Variants in DPF3 observed in about 807,000 individuals in gnomAD.
DPF3 encodes double PHD fingers 3.
In DPF3, 18 loss-of-function variants were observed where a neutral mutation model predicts 56.8. The observed-to-expected ratio is 0.32, with a 90% CI of 0.22 to 0.47. DPF3 has a LOEUF of 0.47. Among genes scored for constraint, DPF3 ranks in the 20% least tolerant of loss-of-function variants. The pLI is 1.00. For missense variants in DPF3, 403 were observed against 488.8 expected (o/e 0.82, Z 1.65); for synonymous variants, 188 against 180.2 (o/e 1.04, Z -0.35).
intron 1 of DPF3, among the ~76,000 whole-genome samples, chr14:72,872,679 A>G (rs1185780956): frequency 6.6e-6 from 1 of 152,248 alleles, no homozygotes; most frequent in Non-Finnish European, 1.5e-5. Flanking sequence ...CTATACTACA[A>G]GGCTACAGTA....
At chr14:72,658,312 TAA>T (rs1359777270) in intron 8 of DPF3, among the ~76,000 whole-genome samples, 1 of 152,156 alleles carries the variant, frequency 6.6e-6, no homozygotes, top group Non-Finnish European at 1.5e-5. Context: ...AAAAAATTTG[TAA>T]AAGTCTATAT....
At chr14:72,861,072 C>A (rs1159429067) in intron 1 of DPF3, among the ~76,000 whole-genome samples, 2 of 144,166 alleles carry the variant, frequency 1.4e-5, no homozygotes, top group African/African-American at 5.1e-5. Context: ...CACACACAGA[C>A]ACATACACAC....
At chr14:72,797,150 A>G (rs1216221216) in intron 1 of DPF3, among the ~76,000 whole-genome samples, 1 of 152,096 alleles carries the variant, frequency 6.6e-6, no homozygotes, top group East Asian at 1.9e-4. Flanking sequence ...CTCTCCGGGA[A>G]CCCTGCCTAG....
chr14:72,828,866 C>T (rs1044642104), intron 1 of DPF3, among the ~76,000 whole-genome samples: 2 of 152,214 alleles, frequency 1.3e-5, no homozygotes, highest in Admixed American at 1.3e-4. Flanking sequence ...GGAGAAAGCA[C>T]TGGACTGGGA....
chr14:72,683,943 C>A (rs548969377), intron 7 of DPF3, among the ~76,000 whole-genome samples: 12 of 152,244 alleles, frequency 7.9e-5, no homozygotes, highest in African/African-American at 2.2e-4. Flanking sequence ...ACCACACTGT[C>A]AGATGCAAAA....
At chr14:72,829,066 C>T (rs1260408754) in intron 1 of DPF3, among the ~76,000 whole-genome samples, 1 of 152,186 alleles carries the variant, frequency 6.6e-6, no homozygotes, top group Non-Finnish European at 1.5e-5. Context: ...ATGGCTAACT[C>T]GAATCAAGAA....
At chr14:72,713,369 G>T (rs887880666) in intron 6 of DPF3, among the ~76,000 whole-genome samples, 3 of 152,196 alleles carry the variant, frequency 2.0e-5, no homozygotes, top group African/African-American at 7.2e-5. Context: ...CCAGTGAAGG[G>T]GGAGACAAAA....
intron 1 of DPF3, among the ~76,000 whole-genome samples, chr14:72,814,886 A>T (rs552016914): frequency 6.6e-6 from 1 of 152,346 alleles, no homozygotes; most frequent in African/African-American, 2.4e-5. Context: ...TTCAGAAAGA[A>T]AACTTGGAAG....
At chr14:72,760,557 G>C (rs907917703) in intron 2 of DPF3, among the ~76,000 whole-genome samples, 1 of 152,066 alleles carries the variant, frequency 6.6e-6, no homozygotes, top group Non-Finnish European at 1.5e-5. Flanking sequence ...AGGTGAGGAG[G>C]GGCCTTATTC....
chr14:72,800,572 G>A (rs1567237086), intron 1 of DPF3, among the ~76,000 whole-genome samples: 1 of 151,838 alleles, frequency 6.6e-6, no homozygotes, highest in Non-Finnish European at 1.5e-5. Flanking sequence ...ATGGATGCAT[G>A]CATGCATGGA....
intron 6 of DPF3, among the ~76,000 whole-genome samples, chr14:72,699,263 T>C (rs1888051517): frequency 6.6e-6 from 1 of 152,140 alleles, no homozygotes; most frequent in Non-Finnish European, 1.5e-5. Context: ...CTCATGCTTA[T>C]AATCCCAGCA....
intron 1 of DPF3, among the ~76,000 whole-genome samples, chr14:72,773,492 A>G (rs1273785760): frequency 6.6e-6 from 1 of 152,218 alleles, no homozygotes; most frequent in African/African-American, 2.4e-5. Flanking sequence ...TTAAGTGTAC[A>G]GTTTAAGTGT....
At chr14:72,816,931 G>A (rs1218092679) in intron 1 of DPF3, among the ~76,000 whole-genome samples, 1 of 152,094 alleles carries the variant, frequency 6.6e-6, no homozygotes, top group African/African-American at 2.4e-5. Context: ...TCAAGAACAG[G>A]CAATTCTCTA....
chr14:72,670,104 TA>T (rs568587096), intron 8 of DPF3: 109 of 982,570 alleles, frequency 1.1e-4, no homozygotes, highest in Non-Finnish European at 7.2e-5. Context: ...GCAGGCACTA[TA>T]AAAAAAAATA....
intron 1 of DPF3, among the ~76,000 whole-genome samples, chr14:72,856,435 A>G (rs1885171683): frequency 6.6e-6 from 1 of 152,172 alleles, no homozygotes; most frequent in Admixed American, 6.5e-5. Flanking sequence ...GAAAAAAGGA[A>G]GAGGAAGTGG....
At chr14:72,632,805 A>AGGAGGGGAAG (rs1262046790) in intron 8 of DPF3, among the ~76,000 whole-genome samples, 3 of 104,364 alleles carry the variant, frequency 2.9e-5, no homozygotes, top group Admixed American at 1.3e-4. Flanking sequence ...AGAGAGGAAG[A>AGGAGGGGAAG]GGAGGGGAAG....
chr14:72,797,064 C>A (rs1892673414), intron 1 of DPF3, among the ~76,000 whole-genome samples: 1 of 152,194 alleles, frequency 6.6e-6, no homozygotes, highest in Non-Finnish European at 1.5e-5. Flanking sequence ...TTGCTTTGGC[C>A]AACAGAATAC....
At position 72,617,442 on chromosome 14, in the gene DPF3, G is replaced by T. The variant is rs1008550552; in HGVS notation, c.*1855C>A. ...ATGTCACCCTCCCTATCCCTCCCTG[G>T]GCCTTCAGGATTCAGACAAGCTCAC... On this transcript the variant is annotated 3_prime_UTR_variant, in exon 11 of 11. Transcript: ENST00000556509. Among the ~76,000 whole-genome samples, 1 of 152,048 alleles carries T rather than the reference G, an allele frequency of 6.6e-6. No individual in the cohort carries two copies. The highest frequency in any genetic ancestry group is 2.4e-5 in the African/African-American group (1 of 41,396).
chr14:72,815,988 A>G (rs1883264835), intron 1 of DPF3, among the ~76,000 whole-genome samples: 1 of 152,222 alleles, frequency 6.6e-6, no homozygotes, highest in Non-Finnish European at 1.5e-5. Context: ...CAGGGTGTGT[A>G]ATGTAACATT....
Sources: gnomAD v4.1 joint callset for allele counts (sites outside exome capture counted in the v4.1 genomes callset) on GRCh38, gnomAD v4.1.1 for gene constraint, MANE v1.5 for transcripts, NCBI Gene and HGNC (gene_info 2026-07-23, HGNC 2026-07-21) for gene names.